SLC5A4: variants seen among roughly 807,000 people sequenced by gnomAD.
SLC5A4 encodes probable glucose sensor protein SLC5A4.
In SLC5A4, 55 loss-of-function variants were observed where a neutral mutation model predicts 70.3. The observed-to-expected ratio is 0.78, with a 90% confidence interval of 0.63 to 0.98. SLC5A4 has a LOEUF of 0.98. Ranked by LOEUF, SLC5A4 falls within the 50% of genes least tolerant of loss-of-function variation. The pLI is 0.00. For missense variants in SLC5A4, 735 were observed against 839.2 expected (o/e 0.88, Z 1.53); for synonymous variants, 268 against 305.7 (o/e 0.88, Z 1.29).
intron 5 of SLC5A4, among the ~76,000 whole-genome samples, chr22:32,240,502 T>G (rs1227407245): frequency 6.6e-6 from 1 of 152,158 alleles, no homozygotes; most frequent in Non-Finnish European, 1.5e-5. Flanking sequence ...TTCTTAGAAT[T>G]AGTATTCTTG....
At chr22:32,311,793 G>C in the SLC5A4 span, among the ~76,000 whole-genome samples, 1 of 150,830 alleles carries the variant, frequency 6.6e-6, no homozygotes, top group East Asian at 1.9e-4. Context: ...TCTCGGCGGT[G>C]ATGGTGGAGA....
chr22:32,277,146 G>A, the SLC5A4 span: 1 of 151,718 alleles, frequency 6.6e-6, no homozygotes, highest in Admixed American at 6.6e-5. Context: ...TTTTATATTT[G>A]TTTATATTTT....
the SLC5A4 span, among the ~76,000 whole-genome samples, chr22:32,306,175 C>CTG: frequency 6.6e-6 from 1 of 152,166 alleles, no homozygotes; most frequent in African/African-American, 2.4e-5. Context: ...ATAAAAATTA[C>CTG]TGTATATAGG....
the SLC5A4 span, among the ~76,000 whole-genome samples, chr22:32,291,742 T>C: frequency 6.6e-6 from 1 of 152,032 alleles, no homozygotes; most frequent in East Asian, 1.9e-4. Context: ...TATTCTACTT[T>C]TCATTATGAT....
chr22:32,302,209 C>G, the SLC5A4 span, among the ~76,000 whole-genome samples: 2 of 150,936 alleles, frequency 1.3e-5, no homozygotes, highest in African/African-American at 4.9e-5. Context: ...CTCTTCATGT[C>G]TACTTTGATT....
At chr22:32,327,799 C>A in the SLC5A4 span, among the ~76,000 whole-genome samples, 1 of 152,178 alleles carries the variant, frequency 6.6e-6, no homozygotes, top group Non-Finnish European at 1.5e-5. Flanking sequence ...TGTCAGTCCA[C>A]GGACACAGAT....
chr22:32,305,550 G>T, the SLC5A4 span, among the ~76,000 whole-genome samples: 2 of 148,584 alleles, frequency 1.3e-5, no homozygotes, highest in East Asian at 3.9e-4. Flanking sequence ...GGTGTTGAGG[G>T]CCTCTGGGCC....
At chr22:32,222,585 A>G (rs546129018) in intron 13 of SLC5A4, among the ~76,000 whole-genome samples, 49 of 152,330 alleles carry the variant, frequency 3.2e-4, no homozygotes, top group Admixed American at 1.5e-3. Flanking sequence ...TAAGAATTTA[A>G]CATATATATA....
chr22:32,347,470 G>A, the SLC5A4 span, among the ~76,000 whole-genome samples: 8 of 152,074 alleles, frequency 5.3e-5, no homozygotes, highest in Admixed American at 4.6e-4. Context: ...GTCCAACAAT[G>A]ATAGACTGGA....
chr22:32,228,531 A>G (rs530606815), intron 11 of SLC5A4, among the ~76,000 whole-genome samples: 220 of 133,474 alleles, frequency 1.6e-3, no homozygotes, highest in Non-Finnish European at 2.6e-3. Context: ...AAAAAGAGTG[A>G]AACTCTGTCT....
intron 11 of SLC5A4, among the ~76,000 whole-genome samples, chr22:32,227,666 GA>G (rs1404788336): frequency 6.6e-6 from 1 of 152,170 alleles, no homozygotes; most frequent in Non-Finnish European, 1.5e-5. Context: ...GGCAGGTGGG[GA>G]TGGCTCACAC....
At chr22:32,240,371 T>A (rs568357708) in intron 5 of SLC5A4, among the ~76,000 whole-genome samples, 1 of 152,178 alleles carries the variant, frequency 6.6e-6, no homozygotes, top group Non-Finnish European at 1.5e-5. Context: ...TTATCTACAC[T>A]GTTTGGCTCA....
At chr22:32,278,392 G>T in the SLC5A4 span, among the ~76,000 whole-genome samples, 3 of 152,102 alleles carry the variant, frequency 2.0e-5, no homozygotes, top group African/African-American at 7.2e-5. Context: ...CCCTCATAAA[G>T]ATGTAAGCAA....
chr22:32,334,110 C>A, the SLC5A4 span, among the ~76,000 whole-genome samples: 7 of 147,438 alleles, frequency 4.7e-5, no homozygotes, highest in Non-Finnish European at 8.9e-5. Context: ...TCACATAGAC[C>A]CACACAATAT....
At chr22:32,276,509 A>AG in the SLC5A4 span, among the ~76,000 whole-genome samples, 2 of 152,256 alleles carry the variant, frequency 1.3e-5, no homozygotes, top group African/African-American at 4.8e-5. Flanking sequence ...AAGTATTGCA[A>AG]TAGCTCCATT....
chr22:32,269,279 C>T, the SLC5A4 span: 1 of 262,656 alleles, frequency 3.8e-6, no homozygotes, highest in Non-Finnish European at 7.5e-6. This position sits in a 1 kb window ranked among gnomAD's most constrained non-coding sequence, Gnocchi z 4.1. Context: ...GTAGCACTGA[C>T]CTAAAACATA....
chr22:32,271,138 G>C, the SLC5A4 span: 6 of 657,960 alleles, frequency 9.1e-6, no homozygotes, highest in South Asian at 9.7e-5. Flanking sequence ...CTTCCAGACA[G>C]AGCCCATCCA....
At chr22:32,335,114 G>A in the SLC5A4 span, among the ~76,000 whole-genome samples, 5 of 152,164 alleles carry the variant, frequency 3.3e-5, no homozygotes, top group East Asian at 9.6e-4. Flanking sequence ...TAGGTGGTCG[G>A]GAAGGAGAGC....
At chr22:32,286,641 G>T in the SLC5A4 span, among the ~76,000 whole-genome samples, 1 of 152,186 alleles carries the variant, frequency 6.6e-6, no homozygotes, top group Non-Finnish European at 1.5e-5. Context: ...GTGTGCCAAG[G>T]ACACTGATAC....
Sources: gnomAD v4.1 joint callset for allele counts (sites outside exome capture counted in the v4.1 genomes callset) on GRCh38, gnomAD v4.1.1 for gene constraint, Gnocchi (gnomAD v3.1) non-coding constraint, MANE v1.5 for transcripts, NCBI Gene and HGNC (gene_info 2026-07-23, HGNC 2026-07-21) for gene names.